KPNA6: variants seen among roughly 807,000 people sequenced by gnomAD.
KPNA6 encodes importin subunit alpha-7.
In KPNA6, 9 loss-of-function variants were observed where a neutral mutation model predicts 72.0. That is an observed-to-expected ratio of 0.13 (90% confidence interval 0.08 to 0.22). KPNA6 has a LOEUF of 0.22. KPNA6 is among the 10% of genes least tolerant of loss of function. KPNA6 has a pLI of 1.00. For missense variants in KPNA6, 374 were observed against 655.7 expected, an observed-to-expected ratio of 0.57 and a Z score of 4.69; for synonymous variants, 219 against 242.1, an observed-to-expected ratio of 0.90 and a Z score of 0.89.
At chr1:32,124,649 G>A (rs1017758994) in intron 1 of KPNA6, among the ~76,000 whole-genome samples, 1 of 151,476 alleles carries the variant, frequency 6.6e-6, no homozygotes, top group Non-Finnish European at 1.5e-5. Flanking sequence ...TGGGATTACA[G>A]GCCCCCGCCA....
rs760520161 is a variant in KPNA6 at position 32,175,191 on chromosome 1, C to T, written c.*4297C>T. 2.6e-5 allele frequency: 4 copies of T among 152,220 alleles called. No individual in the cohort carries two copies. The highest frequency in any genetic ancestry group is 5.9e-5 in the Non-Finnish European group (4 of 68,056). 9.4% of individuals were successfully genotyped at this position (152,220 alleles called of 1,614,324 possible). A position where few individuals can be genotyped will look rare whatever the true frequency, so the allele number is the denominator to read the frequency against. ...TCTGCAAGGGCGCTTTGCTTCAGGT[C>T]TGGGCTATGTGCAGAACCTAAGCAG... On this transcript the variant is annotated 3_prime_UTR_variant, in exon 14 of 14. Transcript: ENST00000373625.
chr1:32,144,354 T>C lies in KPNA6; in HGVS notation c.5-10234T>C, dbSNP rs895759107. 8.5e-5 allele frequency among the ~76,000 whole-genome samples: 13 copies of C among 152,230 alleles called. 1 individual carries two copies. Among genetic ancestry groups the C allele is most frequent in the Admixed American group, 2.0e-4 (3 of 15,276 alleles). ...GGAATAGTATGAAATTTAAAACTTA[T>C]GAATTGTTTTTATCTGGAAATTTCC... On this transcript the variant is annotated intron_variant, in intron 1 of 13. Transcript: ENST00000373625.
At chr1:32,114,050 G>GT (rs1372561811) in intron 1 of KPNA6, among the ~76,000 whole-genome samples, 1 of 152,082 alleles carries the variant, frequency 6.6e-6, no homozygotes, top group Non-Finnish European at 1.5e-5. Context: ...AATCGTGAAT[G>GT]TTTTTATAAG....
intron 1 of KPNA6, among the ~76,000 whole-genome samples, chr1:32,137,991 T>TG (rs1641767415): frequency 6.6e-6 from 1 of 150,694 alleles, no homozygotes; most frequent in Non-Finnish European, 1.5e-5. Context: ...AAAAATTAGC[T>TG]GGGCATGGTG....
chr1:32,166,735 C>T (rs1195086009), intron 11 of KPNA6, among the ~76,000 whole-genome samples: 2 of 149,972 alleles, frequency 1.3e-5, no homozygotes, highest in Non-Finnish European at 1.5e-5. Flanking sequence ...CAAGACCATC[C>T]TGGCTAACGT....
At chr1:32,145,816 T>A (rs2124030554) in intron 1 of KPNA6, among the ~76,000 whole-genome samples, 1 of 152,356 alleles carries the variant, frequency 6.6e-6, no homozygotes, top group South Asian at 2.1e-4. Flanking sequence ...CCACACTGTT[T>A]TAATTACTGT....
In KPNA6 at chr1:32,169,897, G is replaced by C. The variant is rs1642406657; in HGVS notation, c.1260G>C (p.Leu420=). 1 of 1,613,974 alleles carries C rather than the reference G, an allele frequency of 6.2e-7. No homozygotes were observed. Among genetic ancestry groups the C allele is most frequent in the Non-Finnish European group, 8.5e-7 (1 of 1,179,952 alleles). The change falls in exon 13 of 14, where the codon CTG becomes CTC. Residue 420 remains leucine, a synonymous_variant. Transcript: ENST00000373625. ...TPEQIRYLVS[L]GCIKPLCDLL... is the part of the protein sequence containing the mutation. ...TGGCCCCTAGGTACCTGGTCTCACT[G>C]GGCTGCATCAAACCCCTATGTGACT...
rs753484829 is a variant in KPNA6, at chr1:32,162,378, T to C, written c.765T>C (p.Pro255=). 3 of 1,604,142 alleles carry C rather than the reference T, an allele frequency of 1.9e-6. No homozygotes were observed. Among genetic ancestry groups the C allele is most frequent in the Admixed American group, 1.7e-5 (1 of 58,466 alleles). Residue 255 remains proline (P), a synonymous_variant, in exon 9 of 14, where the codon CCT becomes CCC. Transcript: ENST00000373625. ...PEFAKVSPCL[P]VLSRLLFSSD... ...TCCCACAGGTCTCTCCTTGTTTGCCTGTACTGTCTCGCCTACTCTTCAGCA... is the reference window on the plus strand; with the variant it reads ...TCCCACAGGTCTCTCCTTGTTTGCCCGTACTGTCTCGCCTACTCTTCAGCA...
chr1:32,145,038 C>T (rs903537610), intron 1 of KPNA6, among the ~76,000 whole-genome samples: 25 of 151,436 alleles, frequency 1.7e-4, no homozygotes, highest in South Asian at 4.2e-4. Flanking sequence ...CTGCAAACTC[C>T]GCCTCCCAGG....
chr1:32,118,997 C>CATATATATATATATATATATAT (rs71578197), intron 1 of KPNA6, among the ~76,000 whole-genome samples: 1 of 59,830 alleles, frequency 1.7e-5, no homozygotes, highest in Non-Finnish European at 2.9e-5. Context: ...TGTGTGTATA[C>CATATATATATATATATATATAT]ATATATATAT....
intron 1 of KPNA6, among the ~76,000 whole-genome samples, chr1:32,115,664 A>T (rs1641317382): frequency 6.6e-6 from 1 of 151,988 alleles, no homozygotes; most frequent in Admixed American, 6.6e-5. Flanking sequence ...TCCTCAAGTG[A>T]TCCTTATTCC....
rs1190770120 is a variant in KPNA6, at chr1:32,159,510, C to G, written c.537C>G (p.Asp179Glu). 1 of 1,613,992 alleles carries G rather than the reference C, an allele frequency of 6.2e-7. No homozygotes were observed. Among genetic ancestry groups the G allele is most frequent in the Non-Finnish European group, 8.5e-7 (1 of 1,179,938 alleles). Residue 179 changes from aspartate to glutamate, a missense_variant, in exon 6 of 14, where the codon GAC becomes GAG. Physicochemically the swap from Asp to Glu is conservative, Grantham distance 45. Transcript: ENST00000373625. ...VPIFIELLNS[D>E]FEDVQEQAVW... is the part of the protein sequence containing the mutation. ...TTTTTATAGAGCTGCTTAATTCAGA[C>G]TTTGAGGATGTTCAGGAACAGGTAA...
At chr1:32,122,539 C>G (rs1005065278) in intron 1 of KPNA6, among the ~76,000 whole-genome samples, 1 of 152,040 alleles carries the variant, frequency 6.6e-6, no homozygotes, top group African/African-American at 2.4e-5. Context: ...AATTCTAGCA[C>G]TTTGGGAGGC....
Position 32,167,315 on chromosome 1 carries a change from G to A in KPNA6, c.1244+19G>A, listed in dbSNP as rs369026782. Reference sequence around the variant, plus strand: ...AGATCAGGTATTACATTCCTTTCCCGTTGTCTTGAATGATAATGGATGCTC... The same window carrying A: ...AGATCAGGTATTACATTCCTTTCCCATTGTCTTGAATGATAATGGATGCTC... On this transcript the variant is annotated intron_variant, in intron 12 of 13. Coordinates refer to ENST00000373625, the MANE Select transcript of KPNA6 (RefSeq NM_012316.5). The A allele has an allele frequency of 2.0e-5, 33 of 1,613,408 alleles. No homozygotes were observed. The highest frequency in any genetic ancestry group is 1.6e-4 in the Middle Eastern group (1 of 6,082).
In KPNA6 at chr1:32,154,630, G is replaced by A. The variant is rs758229202; in HGVS notation, c.47G>A (p.Ser16Asn). The change falls in exon 2 of 14, where the codon AGC becomes AAC. Residue 16 changes from serine to asparagine, a missense_variant. By Grantham distance (46) the Ser-to-Asn change is conservative (BLOSUM62 1). Coordinates refer to ENST00000373625, the MANE Select transcript of KPNA6 (RefSeq NM_012316.5). ...SPGKDNYRMK[S>N]YKNNALNPEE... The stretch of plus-strand genomic sequence containing the variant: ...GGGAAAGACAATTATCGAATGAAGA[G>A]CTATAAGAACAATGCTCTAAACCCT... The A allele has an allele frequency of 6.2e-7, 1 of 1,613,950 alleles. No individual in the cohort carries two copies.
intron 1 of KPNA6, among the ~76,000 whole-genome samples, chr1:32,148,321 T>A (rs542122589): frequency 3.3e-5 from 5 of 151,954 alleles, no homozygotes; most frequent in Admixed American, 6.6e-5. Flanking sequence ...TGTTTTTTTT[T>A]AGTATAGACA....
At chr1:32,164,594 G>A (rs1447670659) in intron 10 of KPNA6, among the ~76,000 whole-genome samples, 1 of 150,796 alleles carries the variant, frequency 6.6e-6, no homozygotes, top group Non-Finnish European at 1.5e-5. Flanking sequence ...ACCCTAATGG[G>A]TGTGAAGTGA....
intron 1 of KPNA6, chr1:32,142,939 C>T (rs1022282786): frequency 3.9e-6 from 5 of 1,289,142 alleles, no homozygotes; most frequent in Admixed American, 2.3e-5. Flanking sequence ...GCATGGCTCT[C>T]CTCCCAGCTT....
chr1:32,163,719 A>G (rs1249124605), intron 10 of KPNA6, among the ~76,000 whole-genome samples: 1 of 152,156 alleles, frequency 6.6e-6, no homozygotes, highest in African/African-American at 2.4e-5. Flanking sequence ...TCTTTTGTAA[A>G]TAACCCTTCT....
Sources: gnomAD v4.1 joint callset for allele counts (sites outside exome capture counted in the v4.1 genomes callset) on GRCh38, gnomAD v4.1.1 for gene constraint, MANE v1.5 for transcripts, NCBI Gene and HGNC (gene_info 2026-07-23, HGNC 2026-07-21) for gene names.